Variants in INPP5A observed in about 807,000 individuals in gnomAD.
INPP5A encodes the protein 43 kDa inositol polyphosphate 5-phophatase.
Under a neutral mutation model 65.2 loss-of-function variants are expected in INPP5A, and 14 were observed. The observed-to-expected ratio is 0.21, with a 90% CI of 0.14 to 0.34. INPP5A has a LOEUF of 0.34. Among genes scored for constraint, INPP5A ranks in the 10% least tolerant of loss-of-function variants. The pLI is 1.00. For missense variants in INPP5A, 431 were observed against 545.6 expected (o/e 0.79, Z 2.09); for synonymous variants, 207 against 208.3 (o/e 0.99, Z 0.05).
At chr10:132,768,380 C>T (rs866787887) in intron 12 of INPP5A, among the ~76,000 whole-genome samples, 18 of 150,630 alleles carry the variant, frequency 1.2e-4, no homozygotes, top group Admixed American at 3.3e-4. Flanking sequence ...GGTGCTCACG[C>T]GCCCAGTGGC....
chr10:132,747,559 G>A (rs1846393068), intron 9 of INPP5A, among the ~76,000 whole-genome samples: 1 of 152,260 alleles, frequency 6.6e-6, no homozygotes, highest in South Asian at 2.1e-4. Flanking sequence ...AACCTGCACA[G>A]GAAGGCCGGG....
chr10:132,686,545 G>A lies in INPP5A; in HGVS notation c.307-3847G>A, dbSNP rs186310324. Among the ~76,000 whole-genome samples the A allele has an allele frequency of 8.2e-4, 125 of 152,302 alleles. 1 individual carries two copies. Among genetic ancestry groups the A allele is most frequent in the Non-Finnish European group, 1.5e-3 (104 of 68,024 alleles). On this transcript the variant is annotated intron_variant, in intron 4 of 15. Coordinates refer to ENST00000368594, the MANE Select transcript of INPP5A (RefSeq NM_005539.5). Reference sequence around the variant, plus strand: ...CTGTGATAAATGGGTGCCCTGAACCGTATTGATGGGACAGGGTAAACACCG... The same window carrying A: ...CTGTGATAAATGGGTGCCCTGAACCATATTGATGGGACAGGGTAAACACCG...
At chr10:132,574,602 CTTTTTTTTCTT>C (rs1564921232) in intron 1 of INPP5A, among the ~76,000 whole-genome samples, 1 of 140,260 alleles carries the variant, frequency 7.1e-6, no homozygotes, top group African/African-American at 2.7e-5. Flanking sequence ...GTGTTTTTCT[CTTTTTTTTCTT>C]TTTTTTTTAA....
intron 1 of INPP5A, among the ~76,000 whole-genome samples, chr10:132,569,340 G>A (rs2071309535): frequency 6.6e-6 from 1 of 152,094 alleles, no homozygotes; most frequent in East Asian, 1.9e-4. Flanking sequence ...CATTTTGCTT[G>A]TTTTTTTGTT....
rs563073327 is a variant in INPP5A at position 132,707,370 on chromosome 10, T to C, written c.475-943T>C. On this transcript the variant is annotated intron_variant, in intron 6 of 15. Coordinates refer to ENST00000368594, the MANE Select transcript of INPP5A (RefSeq NM_005539.5). This position sits in a 1 kb window ranked among gnomAD's most constrained non-coding sequence, Gnocchi z 5.5. Reference sequence around the variant, plus strand: ...CCTGAAGCGCTTTGCTTTGTGGACCTTGGACTTGACTCTGTCAGCCTCTTC... The same window carrying C: ...CCTGAAGCGCTTTGCTTTGTGGACCCTGGACTTGACTCTGTCAGCCTCTTC... 1.3e-5 allele frequency among the ~76,000 whole-genome samples: 2 copies of C among 152,384 alleles called. No individual in the cohort carries two copies. Among genetic ancestry groups the C allele is most frequent in the South Asian group, 4.1e-4 (2 of 4,830 alleles).
At chr10:132,772,582 GGACA>G (rs1208118795) in intron 12 of INPP5A, among the ~76,000 whole-genome samples, 2 of 103,434 alleles carry the variant, frequency 1.9e-5, no homozygotes, top group African/African-American at 7.4e-5. Flanking sequence ...ACGAGGAGTG[GGACA>G]GACACTCAGC....
At chr10:132,770,227 C>T (rs945086196) in intron 12 of INPP5A, among the ~76,000 whole-genome samples, 5 of 152,176 alleles carry the variant, frequency 3.3e-5, no homozygotes, top group African/African-American at 4.8e-5. Flanking sequence ...CAGGCCTGCC[C>T]GACGGTACCC....
At chr10:132,543,601 G>A (rs917517108) in intron 1 of INPP5A, among the ~76,000 whole-genome samples, 1 of 152,190 alleles carries the variant, frequency 6.6e-6, no homozygotes, top group Admixed American at 6.5e-5. Flanking sequence ...TACTTTTTGA[G>A]AAGATGAGGT....
At chr10:132,642,761 C>T (rs888415729) in intron 2 of INPP5A, among the ~76,000 whole-genome samples, 19 of 152,188 alleles carry the variant, frequency 1.2e-4, no homozygotes, top group African/African-American at 4.3e-4. Context: ...AAAATATATA[C>T]GTAAGACTTC....
chr10:132,589,064 G>C (rs2071584746), intron 1 of INPP5A, among the ~76,000 whole-genome samples: 1 of 152,210 alleles, frequency 6.6e-6, no homozygotes, highest in Non-Finnish European at 1.5e-5. Flanking sequence ...CGCCATCAGT[G>C]GTCACTGTTT....
At chr10:132,541,016 GGT>G (rs1323832069) in intron 1 of INPP5A, among the ~76,000 whole-genome samples, 45 of 146,298 alleles carry the variant, frequency 3.1e-4, no homozygotes, top group Admixed American at 6.3e-4. Flanking sequence ...TTTTAGACAG[GGT>G]CTCATTCTGT....
intron 5 of INPP5A, among the ~76,000 whole-genome samples, chr10:132,693,150 C>T (rs967602201): frequency 3.9e-5 from 6 of 152,054 alleles, no homozygotes; most frequent in Non-Finnish European, 8.8e-5. Context: ...CACTAAAAAG[C>T]TTTTTAAAAG....
chr10:132,580,587 C>G (rs756274122), intron 1 of INPP5A, among the ~76,000 whole-genome samples: 1 of 152,102 alleles, frequency 6.6e-6, no homozygotes, highest in African/African-American at 2.4e-5. Context: ...GGGAAAGAGT[C>G]ACAGGAAGGG....
chr10:132,545,154 C>T lies in INPP5A; in HGVS notation c.75+6983C>T, dbSNP rs2070953240. On this transcript the variant is annotated intron_variant, in intron 1 of 15. Coordinates refer to ENST00000368594, the MANE Select transcript of INPP5A (RefSeq NM_005539.5). The surrounding 1 kb of genome is among the most constrained non-coding windows in gnomAD (Gnocchi z 4.6). ...GGGCAGGTGGAGCAGGGCAGAGGGC[C>T]CCGCACGGCTCTGGGATGGCTGTGC... Among the ~76,000 whole-genome samples, 2 of 151,674 alleles carry T rather than the reference C, an allele frequency of 1.3e-5. No homozygotes were observed. Among genetic ancestry groups the T allele is most frequent in the African/African-American group, 2.4e-5 (1 of 41,248 alleles).
chr10:132,682,265 C>T (rs1032728669), intron 4 of INPP5A, among the ~76,000 whole-genome samples: 2 of 149,566 alleles, frequency 1.3e-5, no homozygotes, highest in Non-Finnish European at 3.0e-5. Flanking sequence ...TGTTGCTGGT[C>T]GGGAACAGTC....
rs1045146662 is a variant in INPP5A at position 132,587,489 on chromosome 10, G to A, written c.76-20426G>A. 6.6e-6 allele frequency among the ~76,000 whole-genome samples: 1 copy of A among 152,198 alleles called. No individual in the cohort carries two copies. The highest frequency in any genetic ancestry group is 1.9e-4 in the East Asian group (1 of 5,188). On this transcript the variant is annotated intron_variant, in intron 1 of 15. Transcript: ENST00000368594. The surrounding 1 kb of genome is among the most constrained non-coding windows in gnomAD (Gnocchi z 4.3). ...GGGAAAGGATGCGGCCATACCAGACGGAACCTTTGTCCACAGGGTCCCTGT... is the reference window on the plus strand; with the variant it reads ...GGGAAAGGATGCGGCCATACCAGACAGAACCTTTGTCCACAGGGTCCCTGT...
At chr10:132,690,519 C>T in intron 5 of INPP5A, 64 bp downstream of exon 5, 1 of 1,191,730 alleles carries the variant, frequency 8.4e-7, no homozygotes, top group Non-Finnish European at 1.2e-6. Flanking sequence ...TGTCTGGCTT[C>T]CCCAGACCTC....
chr10:132,627,396 C>G lies in INPP5A; in HGVS notation c.118-18472C>G, dbSNP rs1307521419. On this transcript the variant is annotated intron_variant, in intron 2 of 15. Coordinates refer to ENST00000368594, the MANE Select transcript of INPP5A (RefSeq NM_005539.5). The surrounding 1 kb of genome is among the most constrained non-coding windows in gnomAD (Gnocchi z 6.6). The stretch of plus-strand genomic sequence containing the variant: ...CCTGTCCTGAGAGGGTCTGTCCTGG[C>G]CGCTGAGCAGGTGGGTCTGGAGGGC... 6.6e-6 allele frequency among the ~76,000 whole-genome samples: 1 copy of G among 152,048 alleles called. No homozygotes were observed. Among genetic ancestry groups the G allele is most frequent in the Admixed American group, 6.5e-5 (1 of 15,274 alleles).
intron 6 of INPP5A, 120 bp from the exon 7 acceptor site, chr10:132,708,193 G>C: frequency 1.2e-6 from 1 of 826,452 alleles, no homozygotes; most frequent in South Asian, 1.6e-5. Flanking sequence ...CATCAGTGCC[G>C]GAAGAGCCCT....
Sources: allele counts gnomAD v4.1 joint callset (sites outside exome capture counted in the v4.1 genomes callset), GRCh38; gene constraint gnomAD v4.1.1; non-coding constraint Gnocchi (gnomAD v3.1); transcripts MANE v1.5; gene names NCBI Gene and HGNC (gene_info 2026-07-23, HGNC 2026-07-21).